SMYD3: variants seen among roughly 807,000 people sequenced by gnomAD.
SMYD3 encodes the protein SET and MYND domain containing 3.
A neutral mutation model predicts 57.7 loss-of-function variants in SMYD3; 36 were observed. The ratio of observed to expected loss-of-function variants is 0.62; its 90% CI spans 0.48 to 0.82. The LOEUF is 0.82. SMYD3 is among the 40% of genes least tolerant of loss of function. The pLI is 0.00. For synonymous variants in SMYD3, 211 were observed against 195.0 expected (o/e 1.08, Z -0.68); for missense variants, 515 against 538.8 (o/e 0.96, Z 0.44).
intron 11 of SMYD3, among the ~76,000 whole-genome samples, chr1:245,752,686 C>T (rs917851411): frequency 2.2e-4 from 34 of 152,280 alleles, no homozygotes; most frequent in Admixed American, 3.3e-4. Context: ...TCCCACAGTA[C>T]GGTAACTACT....
At chr1:246,078,854 T>C (rs781621327) in intron 5 of SMYD3, among the ~76,000 whole-genome samples, 2 of 152,172 alleles carry the variant, frequency 1.3e-5, no homozygotes, top group East Asian at 3.9e-4. Context: ...CTCTAAACAG[T>C]CATTAAACAA....
intron 5 of SMYD3, among the ~76,000 whole-genome samples, chr1:245,984,329 A>T (rs1252308166): frequency 6.6e-6 from 1 of 152,206 alleles, no homozygotes; most frequent in Non-Finnish European, 1.5e-5. Context: ...TTCAATGGAC[A>T]AAACTGCTTC....
chr1:246,001,809 CTGCCT>C (rs2059052626), intron 5 of SMYD3, among the ~76,000 whole-genome samples: 1 of 152,142 alleles, frequency 6.6e-6, no homozygotes, highest in Non-Finnish European at 1.5e-5. Flanking sequence ...TATCAATGCT[CTGCCT>C]TTTGGGAGCT....
chr1:245,815,597 T>A (rs1026226963), intron 10 of SMYD3, among the ~76,000 whole-genome samples: 4 of 152,236 alleles, frequency 2.6e-5, no homozygotes, highest in Non-Finnish European at 4.4e-5. Flanking sequence ...GTTATCAACA[T>A]AGCCAGATGG....
At chr1:245,942,946 G>T (rs1219254512) in intron 5 of SMYD3, among the ~76,000 whole-genome samples, 2 of 152,044 alleles carry the variant, frequency 1.3e-5, no homozygotes, top group East Asian at 1.9e-4. Context: ...TGAGAACGAA[G>T]AAACTATGTA....
intron 7 of SMYD3, among the ~76,000 whole-genome samples, chr1:245,925,069 C>T (rs10924390): frequency 0.015 from 2,270 of 152,152 alleles, 27 homozygotes; most frequent in South Asian, 0.033. Flanking sequence ...CATTGTGAAT[C>T]CCATATTCTG....
At chr1:245,812,459 TG>T (rs944174088) in intron 10 of SMYD3, among the ~76,000 whole-genome samples, 7 of 152,238 alleles carry the variant, frequency 4.6e-5, no homozygotes, top group African/African-American at 1.7e-4. Context: ...AGGAAGACAT[TG>T]GTCCTGTGCT....
At chr1:245,874,446 TA>T (rs1310870401) in intron 8 of SMYD3, among the ~76,000 whole-genome samples, 7 of 152,190 alleles carry the variant, frequency 4.6e-5, no homozygotes, top group Admixed American at 4.6e-4. Flanking sequence ...AGTCTAGACA[TA>T]GCTTTTTAGG....
intron 5 of SMYD3, among the ~76,000 whole-genome samples, chr1:246,057,985 C>T (rs970457279): frequency 6.6e-6 from 1 of 151,928 alleles, no homozygotes; most frequent in Non-Finnish European, 1.5e-5. Context: ...TACTACTAAG[C>T]GAAAGAAGGC....
chr1:246,100,812 C>A (rs949507687), intron 5 of SMYD3, among the ~76,000 whole-genome samples: 10 of 152,146 alleles, frequency 6.6e-5, no homozygotes, highest in Admixed American at 6.5e-4. Context: ...AAAGATCCCA[C>A]GAACACTCTA....
At chr1:246,260,821 T>C (rs1227007957) in intron 5 of SMYD3, among the ~76,000 whole-genome samples, 1 of 152,204 alleles carries the variant, frequency 6.6e-6, no homozygotes, top group Non-Finnish European at 1.5e-5. Flanking sequence ...ACAAGCCTCT[T>C]ATCTGCCATC....
At chr1:246,054,529 C>T (rs985755018) in intron 5 of SMYD3, among the ~76,000 whole-genome samples, 2 of 152,152 alleles carry the variant, frequency 1.3e-5, no homozygotes, top group East Asian at 1.9e-4. Context: ...GTCTACACAA[C>T]ACAACACTAT....
At chr1:245,859,421 C>T (rs773898769) in intron 9 of SMYD3, among the ~76,000 whole-genome samples, 1 of 152,180 alleles carries the variant, frequency 6.6e-6, no homozygotes, top group African/African-American at 2.4e-5. Flanking sequence ...TCAGTAACTG[C>T]CTTTCTGATT....
At chr1:245,808,249 G>T (rs1368486799) in intron 10 of SMYD3, among the ~76,000 whole-genome samples, 2 of 152,108 alleles carry the variant, frequency 1.3e-5, no homozygotes, top group Non-Finnish European at 2.9e-5. Context: ...TGGCATACTT[G>T]TTTCTTTGTC....
At chr1:246,039,614 C>A (rs1201515471) in intron 5 of SMYD3, among the ~76,000 whole-genome samples, 1 of 152,178 alleles carries the variant, frequency 6.6e-6, no homozygotes, top group African/African-American at 2.4e-5. Context: ...ATAAATTCTA[C>A]TAAGCGCCAA....
intron 10 of SMYD3, among the ~76,000 whole-genome samples, chr1:245,834,475 C>T (rs753432957): frequency 6.6e-6 from 1 of 152,196 alleles, no homozygotes. Context: ...CAGCCCCCTA[C>T]TAACCTTTGC....
At chr1:246,332,334 T>C (rs900388637) in intron 3 of SMYD3, among the ~76,000 whole-genome samples, 2 of 152,154 alleles carry the variant, frequency 1.3e-5, no homozygotes, top group African/African-American at 4.8e-5. Flanking sequence ...GTGGCCTGGA[T>C]ATAGAAGATC....
chr1:246,363,308 C>T (rs1226974339), intron 1 of SMYD3, among the ~76,000 whole-genome samples: 20 of 149,844 alleles, frequency 1.3e-4, no homozygotes, highest in African/African-American at 4.7e-4. Context: ...GGGGGGTCAG[C>T]CCCCCGCCCG....
intron 1 of SMYD3, among the ~76,000 whole-genome samples, chr1:246,449,001 G>A (rs891279201): frequency 2.4e-4 from 36 of 152,094 alleles, no homozygotes; most frequent in Admixed American, 2.0e-3. Flanking sequence ...GACAAGGCAG[G>A]AAGATCACTT....
Sources: gnomAD v4.1 joint callset for allele counts (sites outside exome capture counted in the v4.1 genomes callset) on GRCh38, gnomAD v4.1.1 for gene constraint, MANE v1.5 for transcripts, NCBI Gene and HGNC (gene_info 2026-07-23, HGNC 2026-07-21) for gene names.